Variants in KIRREL3 observed in about 807,000 individuals in gnomAD.
The protein encoded by KIRREL3 is kin of IRRE-like protein 3.
Under a neutral mutation model 89.7 loss-of-function variants are expected in KIRREL3, and 36 were observed. That is an observed-to-expected ratio of 0.40 (90% CI 0.31 to 0.53). The LOEUF (loss-of-function observed/expected upper bound fraction) is 0.53, where lower values mean the gene tolerates loss of function less well. Among genes scored for constraint, KIRREL3 ranks in the 20% least tolerant of loss-of-function variants. The pLI is 0.49. For missense variants in KIRREL3, 864 were observed against 1,056.6 expected (o/e 0.82, Z 2.53); for synonymous variants, 445 against 441.4 (o/e 1.01, Z -0.10).
intron 1 of KIRREL3, among the ~76,000 whole-genome samples, chr11:126,849,744 G>C (rs565186486): frequency 1.3e-5 from 2 of 152,282 alleles, no homozygotes; most frequent in Non-Finnish European, 1.5e-5. Flanking sequence ...ACAGAAGGTG[G>C]AGACGGTGTG....
intron 1 of KIRREL3, among the ~76,000 whole-genome samples, chr11:126,775,322 C>T (rs1056542889): frequency 2.4e-4 from 37 of 152,318 alleles, no homozygotes; most frequent in African/African-American, 8.9e-4. Context: ...TCCCCAGTCC[C>T]ACTGAGTTAA....
chr11:126,680,212 C>T (rs1946385867), intron 1 of KIRREL3, among the ~76,000 whole-genome samples: 1 of 152,076 alleles, frequency 6.6e-6, no homozygotes. Flanking sequence ...GCTTTCATGA[C>T]CAGTGAGGGC....
chr11:126,695,075 C>T (rs1162405380), intron 1 of KIRREL3, among the ~76,000 whole-genome samples: 1 of 152,172 alleles, frequency 6.6e-6, no homozygotes. Context: ...GTCTGCGAGC[C>T]ATCTATGACA....
chr11:126,468,226 G>T (rs1174171334), intron 5 of KIRREL3, among the ~76,000 whole-genome samples: 1 of 152,186 alleles, frequency 6.6e-6, no homozygotes, highest in Non-Finnish European at 1.5e-5. Context: ...CCAGAAGAAA[G>T]AATGTGGTCT....
intron 1 of KIRREL3, among the ~76,000 whole-genome samples, chr11:126,810,061 AGCGTGTTGAGTCACTGACCACTCAGG>A (rs1408615232): frequency 6.6e-6 from 1 of 152,150 alleles, no homozygotes; most frequent in African/African-American, 2.4e-5. Context: ...TGGGAAAGGC[AGCGTGTTGAGTCACTGACCACTCAGG>A]GCACTGGAGC....
intron 1 of KIRREL3, among the ~76,000 whole-genome samples, chr11:126,582,458 G>C (rs1941601494): frequency 6.6e-6 from 1 of 152,238 alleles, no homozygotes; most frequent in South Asian, 2.1e-4. Context: ...CGGGGGTTTA[G>C]TGGAAATCCT....
In KIRREL3 at chr11:126,739,030, C is replaced by G. The variant is rs146955422; in HGVS notation, c.56-176118G>C. Among the ~76,000 whole-genome samples the G allele has an allele frequency of 2.0e-4, 31 of 152,274 alleles. No homozygotes were observed. In the East Asian group the frequency reaches 5.8e-3, roughly 28 times the overall value. ...ATAACACTACAACAATCTTGAAAGG[C>G]GGGTATATATGATACAAACGGTACA... On this transcript the variant is annotated intron_variant, in intron 1 of 16. Coordinates refer to ENST00000525144, the MANE Select transcript of KIRREL3 (RefSeq NM_032531.4). The surrounding 1 kb of genome is among the most constrained non-coding windows in gnomAD (Gnocchi z 5.5).
rs367997799 is a variant in KIRREL3 at position 126,995,234 on chromosome 11, G to A, written c.55+5221C>T. The A allele has an allele frequency of 4.4e-6, 2 of 455,984 alleles. No individual in the cohort carries two copies. Among genetic ancestry groups the A allele is most frequent in the Non-Finnish European group, 8.8e-6 (2 of 226,934 alleles). The allele number at this position is 455,984 out of a possible 1,614,324, so 28.2% of individuals were successfully genotyped here. ...CTGCTCCAAGAGTGCTGGGATGTCC[G>A]CTGGCCTCGAGGCAAGACAAGAGCT... On this transcript the variant is annotated intron_variant, in intron 1 of 16. Transcript: ENST00000525144. The surrounding 1 kb of genome is among the most constrained non-coding windows in gnomAD (Gnocchi z 6.5).
rs1381290091 is a variant in KIRREL3, at chr11:126,903,323, TAAC to T, written c.55+97129_55+97131del. On this transcript the variant is annotated intron_variant, in intron 1 of 16. Coordinates refer to ENST00000525144, the MANE Select transcript of KIRREL3 (RefSeq NM_032531.4). This position sits in a 1 kb window ranked among gnomAD's most constrained non-coding sequence, Gnocchi z 4.5. ...AATTTTTTCCTCTTTTTCTCTGGGTTAACAATGCAGGGATCATAGTTGCACAAT... is the reference window on the plus strand; with the variant it reads ...AATTTTTTCCTCTTTTTCTCTGGGTTAATGCAGGGATCATAGTTGCACAAT... 6.6e-6 allele frequency among the ~76,000 whole-genome samples: 1 copy of T among 152,162 alleles called. No individual in the cohort carries two copies. Among genetic ancestry groups the T allele is most frequent in the African/African-American group, 2.4e-5 (1 of 41,448 alleles).
chr11:126,435,383 G>C (rs754498138), intron 12 of KIRREL3, 80 bp from the exon 13 acceptor site: 4 of 1,444,996 alleles, frequency 2.8e-6, no homozygotes, highest in Non-Finnish European at 3.9e-6. Context: ...AGCTGCTTGA[G>C]CGGGGCTGGG....
At chr11:126,760,159 A>T (rs1297019354) in intron 1 of KIRREL3, among the ~76,000 whole-genome samples, 3 of 152,026 alleles carry the variant, frequency 2.0e-5, no homozygotes, top group Admixed American at 6.6e-5. Flanking sequence ...CAATCTTGAG[A>T]TTTTTCTTTC....
At chr11:126,767,454 CTAATT>C (rs766591348) in intron 1 of KIRREL3, among the ~76,000 whole-genome samples, 1 of 152,188 alleles carries the variant, frequency 6.6e-6, no homozygotes, top group Non-Finnish European at 1.5e-5. Flanking sequence ...ATGTAGACAA[CTAATT>C]CCAGGGCAGC....
chr11:126,774,459 G>A (rs1303465494), intron 1 of KIRREL3, among the ~76,000 whole-genome samples: 3 of 152,178 alleles, frequency 2.0e-5, no homozygotes, highest in Admixed American at 6.5e-5. Context: ...GTGAGATCTG[G>A]TTTGACTTTA....
At chr11:126,593,086 G>A (rs1294442885) in intron 1 of KIRREL3, among the ~76,000 whole-genome samples, 1 of 152,174 alleles carries the variant, frequency 6.6e-6, no homozygotes, top group Non-Finnish European at 1.5e-5. Flanking sequence ...GTCTGAATGG[G>A]TCTCCAATAG....
In KIRREL3 at chr11:126,432,111, A is replaced by C. The variant is rs1955156052; in HGVS notation, c.1589-585T>G. Among the ~76,000 whole-genome samples, 1 of 152,100 alleles carries C rather than the reference A, an allele frequency of 6.6e-6. No homozygotes were observed. Among genetic ancestry groups the C allele is most frequent in the South Asian group, 2.1e-4 (1 of 4,824 alleles). On this transcript the variant is annotated intron_variant, in intron 13 of 16. Coordinates refer to ENST00000525144, the MANE Select transcript of KIRREL3 (RefSeq NM_032531.4). This position sits in a 1 kb window ranked among gnomAD's most constrained non-coding sequence, Gnocchi z 6.2. ...CTCAGGTGTCCAAGTCTCAGGGTCC[A>C]GGGAGCAGGGTTACAGCTTCTCCAC... is the stretch of plus-strand genomic sequence containing the variant.
intron 4 of KIRREL3, among the ~76,000 whole-genome samples, chr11:126,505,545 TG>T (rs1298160245): frequency 5.3e-5 from 8 of 151,182 alleles, no homozygotes; most frequent in Non-Finnish European, 8.8e-5. Flanking sequence ...CACTTCAGCC[TG>T]GGCAACAAGA....
chr11:126,717,133 TC>T (rs1947996339), intron 1 of KIRREL3, among the ~76,000 whole-genome samples: 1 of 152,102 alleles, frequency 6.6e-6, no homozygotes. Flanking sequence ...TTCTTTGCCT[TC>T]CTTAGACCTT....
intron 1 of KIRREL3, among the ~76,000 whole-genome samples, chr11:126,661,532 C>T (rs1041202852): frequency 6.6e-6 from 1 of 152,200 alleles, no homozygotes; most frequent in Admixed American, 6.5e-5. Context: ...TTGCTAATAG[C>T]TAGAGGGTCT....
chr11:126,911,876 G>A (rs1241552133), intron 1 of KIRREL3, among the ~76,000 whole-genome samples: 21 of 151,990 alleles, frequency 1.4e-4, no homozygotes, highest in Non-Finnish European at 2.1e-4. Context: ...CCAGCTACTC[G>A]GGAGGCTGAG....
Sources: gnomAD v4.1 joint callset for allele counts (sites outside exome capture counted in the v4.1 genomes callset) on GRCh38, gnomAD v4.1.1 for gene constraint, Gnocchi (gnomAD v3.1) non-coding constraint, MANE v1.5 for transcripts, NCBI Gene and HGNC (gene_info 2026-07-23, HGNC 2026-07-21) for gene names.